NRG1: variants seen among roughly 807,000 people sequenced by gnomAD.
NRG1 encodes the protein neuregulin 1.
NRG1 carries 18 observed loss-of-function variants against 63.8 expected under a neutral mutation model. That is an observed-to-expected ratio of 0.28 (90% CI 0.19 to 0.42). The LOEUF (loss-of-function observed/expected upper bound fraction) is 0.42, where lower values mean the gene tolerates loss of function less well. Among genes scored for constraint, NRG1 ranks in the 10% least tolerant of loss-of-function variants. NRG1 has a pLI of 1.00. For missense variants in NRG1, 762 were observed against 814.7 expected (o/e 0.94, Z 0.79); for synonymous variants, 302 against 301.3 (o/e 1.00, Z -0.02).
intron 1 of NRG1, among the ~76,000 whole-genome samples, chr8:31,971,463 A>G (rs1807265933): frequency 6.6e-6 from 1 of 152,182 alleles, no homozygotes; most frequent in Non-Finnish European, 1.5e-5. Flanking sequence ...GAGAACAGAC[A>G]GACAGGAATG....
Position 31,708,530 on chromosome 8 carries a change from C to T in NRG1, c.37+69099C>T, listed in dbSNP as rs1392055878. Among the ~76,000 whole-genome samples, 6 of 149,258 alleles carry T rather than the reference C, an allele frequency of 4.0e-5. 1 individual carries two copies. The highest frequency in any genetic ancestry group is 1.5e-4 in the African/African-American group (6 of 40,628). On this transcript the variant is annotated intron_variant, in intron 1 of 10. Coordinates refer to the NRG1 transcript ENST00000519301. Reference sequence around the variant, plus strand: ...GCGGGATCTCGGCTCACTGCAAGCTCCGCCTCCCGGGTTCACGCCATTCTC... The same window carrying T: ...GCGGGATCTCGGCTCACTGCAAGCTTCGCCTCCCGGGTTCACGCCATTCTC...
intron 1 of NRG1, among the ~76,000 whole-genome samples, chr8:31,810,087 T>G (rs1822738559): frequency 6.6e-6 from 1 of 152,096 alleles, no homozygotes; most frequent in African/African-American, 2.4e-5. Flanking sequence ...CTGATACCTT[T>G]CTTGTCCTAC....
At chr8:32,228,550 TA>T (rs999009431) in intron 1 of NRG1, among the ~76,000 whole-genome samples, 2 of 152,228 alleles carry the variant, frequency 1.3e-5, no homozygotes, top group Admixed American at 6.5e-5. Context: ...ATTAGTTTTT[TA>T]ATTTAATTTT....
In NRG1 at chr8:32,419,401, C is replaced by T. The variant is rs561468039; in HGVS notation, c.38-176427C>T. Among the ~76,000 whole-genome samples, 3 of 152,270 alleles carry T rather than the reference C, an allele frequency of 2.0e-5. No individual in the cohort carries two copies. In the South Asian group the frequency reaches 6.2e-4, roughly 32 times the overall value. ...TGAAAATATTCTCTAAAACAGACTC[C>T]ACAACTACAATGACCAGTACAATGT... is the stretch of plus-strand genomic sequence containing the variant. On this transcript the variant is annotated intron_variant, in intron 1 of 10. Coordinates refer to the NRG1 transcript ENST00000519301.
chr8:32,002,982 T>C (rs1813187930), intron 1 of NRG1, among the ~76,000 whole-genome samples: 1 of 152,074 alleles, frequency 6.6e-6, no homozygotes, highest in African/African-American at 2.4e-5. Context: ...TTCTATTGTA[T>C]GCTTGTAGCT....
intron 1 of NRG1, among the ~76,000 whole-genome samples, chr8:31,763,717 G>A (rs1357178751): frequency 2.6e-5 from 4 of 152,210 alleles, no homozygotes; most frequent in African/African-American, 4.8e-5. Flanking sequence ...TTGGGAGGCC[G>A]AGGCGGGCAG....
chr8:32,301,634 G>A (rs1002180899), intron 1 of NRG1, among the ~76,000 whole-genome samples: 2 of 152,176 alleles, frequency 1.3e-5, no homozygotes, highest in South Asian at 2.1e-4. Context: ...CAATCATGGT[G>A]AAAGTCAAGG....
At chr8:31,921,121 T>G (rs1353151371) in intron 1 of NRG1, among the ~76,000 whole-genome samples, 1 of 152,190 alleles carries the variant, frequency 6.6e-6, no homozygotes, top group South Asian at 2.1e-4. Context: ...AATACCTTCC[T>G]ACTGAGGTAC....
chr8:32,420,424 T>A (rs4733331), intron 1 of NRG1, among the ~76,000 whole-genome samples: 24,046 of 152,060 alleles, frequency 0.16, 2,172 homozygotes, highest in Admixed American at 0.27. Flanking sequence ...TTGCTGAGAG[T>A]TTGAGGCACC....
intron 1 of NRG1, among the ~76,000 whole-genome samples, chr8:32,278,832 G>T (rs917610896): frequency 6.6e-6 from 1 of 152,182 alleles, no homozygotes; most frequent in Non-Finnish European, 1.5e-5. Flanking sequence ...AGATGGGCAT[G>T]TCCCCAGCCA....
chr8:31,669,255 T>TC (rs397755946), intron 1 of NRG1, among the ~76,000 whole-genome samples: 1 of 150,700 alleles, frequency 6.6e-6, no homozygotes, highest in Admixed American at 6.6e-5. Context: ...TTTTTTTTTT[T>TC]GAAATGGAGT....
At chr8:31,645,214 AC>A (rs1247902172) in intron 1 of NRG1, among the ~76,000 whole-genome samples, 1 of 152,146 alleles carries the variant, frequency 6.6e-6, no homozygotes, top group African/African-American at 2.4e-5. Flanking sequence ...TGGCTAGTTT[AC>A]CCCCAACCTC....
At chr8:32,718,360 C>T (rs1373363847) in intron 5 of NRG1, among the ~76,000 whole-genome samples, 1 of 152,176 alleles carries the variant, frequency 6.6e-6, no homozygotes, top group African/African-American at 2.4e-5. Flanking sequence ...GTGTCATTTC[C>T]TGAATATGAT....
rs556637258 is a variant in NRG1 at position 31,824,180 on chromosome 8, C to G, written c.37+184749C>G. ...TATCCTTCCCCCCTCCCCCCTCCCC[C>G]CACCCCACAACAGGCCCTGGTGTGT... is the stretch of plus-strand genomic sequence containing the variant. On this transcript the variant is annotated intron_variant, in intron 1 of 10. Coordinates refer to the NRG1 transcript ENST00000519301. Among the ~76,000 whole-genome samples the G allele has an allele frequency of 1.8e-3, 229 of 128,932 alleles. 2 individuals carry two copies. The highest frequency in any genetic ancestry group is 6.1e-3 in the African/African-American group (210 of 34,684). 84.6% of individuals were successfully genotyped at this position (128,932 alleles called of 152,430 possible). A position where few individuals can be genotyped will look rare whatever the true frequency, so the allele number is the denominator to read the frequency against.
At chr8:32,690,382 A>G (rs1811277617) in intron 5 of NRG1, among the ~76,000 whole-genome samples, 1 of 151,804 alleles carries the variant, frequency 6.6e-6, no homozygotes, top group South Asian at 2.1e-4. Context: ...CCAGCACTGT[A>G]GGAAAATGTC....
intron 1 of NRG1, among the ~76,000 whole-genome samples, chr8:31,716,365 T>A (rs1298516002): frequency 6.6e-6 from 1 of 152,240 alleles, no homozygotes; most frequent in East Asian, 1.9e-4. Flanking sequence ...CTACAGTGCT[T>A]TCATTGGCCT....
chr8:32,238,585 C>T (rs1586301679), intron 1 of NRG1, among the ~76,000 whole-genome samples: 1 of 151,968 alleles, frequency 6.6e-6, no homozygotes, highest in Non-Finnish European at 1.5e-5. Context: ...AGAGAGGATA[C>T]CATTCTTGCA....
intron 1 of NRG1, among the ~76,000 whole-genome samples, chr8:32,589,586 C>T (rs1842174065): frequency 6.6e-6 from 1 of 152,202 alleles, no homozygotes; most frequent in African/African-American, 2.4e-5. Context: ...AGATTAGCTG[C>T]ACAAACGTGG....
At chr8:31,991,936 C>A (rs1017363559) in intron 1 of NRG1, among the ~76,000 whole-genome samples, 4 of 151,834 alleles carry the variant, frequency 2.6e-5, no homozygotes, top group African/African-American at 9.7e-5. Context: ...CCCTGTAGAA[C>A]CTGATAGAAA....
Sources: gnomAD v4.1 joint callset for allele counts (sites outside exome capture counted in the v4.1 genomes callset) on GRCh38, gnomAD v4.1.1 for gene constraint, MANE v1.5 for transcripts, NCBI Gene and HGNC (gene_info 2026-07-23, HGNC 2026-07-21) for gene names.